The following MPIG6B variants were observed in gnomAD, a reference collection of about 807,000 sequenced individuals.
MPIG6B encodes the protein immunoglobulin receptor.
Under a neutral mutation model 24.2 loss-of-function variants are expected in MPIG6B, and 22 were observed. That is an observed-to-expected ratio of 0.91 (90% CI 0.65 to 1.30). MPIG6B has a LOEUF of 1.30. Among genes scored for constraint, MPIG6B ranks in the 50% most tolerant of loss-of-function variants. The pLI is 0.00. For missense variants in MPIG6B, 301 were observed against 318.5 expected (o/e 0.94, Z 0.42); for synonymous variants, 136 against 142.0 (o/e 0.96, Z 0.30).
chr6:31,725,225 G>C lies in MPIG6B; in HGVS notation c.*151G>C. On this transcript the variant is annotated 3_prime_UTR_variant, in exon 6 of 6. Coordinates refer to ENST00000649779, the MANE Select transcript of MPIG6B (RefSeq NM_138272.3). This position sits in a 1 kb window ranked among gnomAD's most constrained non-coding sequence, Gnocchi z 5.2. ...AGTTGGGAGACCTGGGTTCCAGGCT[G>C]TCTCTGCCACTGGTCTTACTTCTAA... 1 of 618,178 alleles carries C rather than the reference G, an allele frequency of 1.6e-6. No homozygotes were observed. The allele number at this position is 618,178 out of a possible 1,614,324, so 38.3% of individuals were successfully genotyped here. A position where few individuals can be genotyped will look rare whatever the true frequency, so the allele number is the denominator to read the frequency against.
upstream of MPIG6B, chr6:31,720,814 C>A (rs1364372843): frequency 6.6e-6 from 1 of 152,270 alleles, no homozygotes; most frequent in Non-Finnish European, 1.5e-5. The surrounding 1 kb of genome is among the most constrained non-coding windows in gnomAD (Gnocchi z 4.9). Flanking sequence ...CACCAGATTC[C>A]ATCTTAGCAC....
chr6:31,723,820 C>G lies in MPIG6B; in HGVS notation c.243C>G (p.Val81=). The part of the protein sequence containing the change: ...TPTVPPLQPF[V]GRLRSLDSGI... The stretch of plus-strand genomic sequence containing the variant: ...CCGTGCCTCCCCTCCAGCCTTTCGT[C>G]GGCCGCCTACGCTCCCTGGACTCTG... Residue 81 remains valine, a synonymous_variant, in exon 2 of 6, where the codon GTC becomes GTG. Transcript: ENST00000649779. The surrounding 1 kb of genome is among the most constrained non-coding windows in gnomAD (Gnocchi z 4.3). The G allele has an allele frequency of 1.2e-6, 2 of 1,613,620 alleles. No individual in the cohort carries two copies. Among genetic ancestry groups the G allele is most frequent in the South Asian group, 2.2e-5 (2 of 91,020 alleles).
chr6:31,723,804 C>T lies in MPIG6B; in HGVS notation c.227C>T (p.Pro76Leu). The change falls in exon 2 of 6, where the codon CCC becomes CTC. Residue 76 changes from proline (P) to leucine (L), a missense_variant. Coordinates refer to ENST00000649779, the MANE Select transcript of MPIG6B (RefSeq NM_138272.3). The surrounding 1 kb of genome is among the most constrained non-coding windows in gnomAD (Gnocchi z 4.3). ...TCGAGCGGGACCCCCACCGTGCCTC[C>T]CCTCCAGCCTTTCGTCGGCCGCCTA... The part of the protein sequence containing the change: ...ASSSGTPTVP[P>L]LQPFVGRLRS... 6.2e-7 allele frequency: 1 copy of T among 1,613,988 alleles called. No individual in the cohort carries two copies. Among genetic ancestry groups the T allele is most frequent in the South Asian group, 1.1e-5 (1 of 91,062 alleles).
chr6:31,723,442 G>C lies in MPIG6B; in HGVS notation c.59G>C (p.Gly20Ala), dbSNP rs1806983141. 1.2e-6 allele frequency: 2 copies of C among 1,612,556 alleles called. No individual in the cohort carries two copies. Among genetic ancestry groups the C allele is most frequent in the Admixed American group, 1.7e-5 (1 of 59,974 alleles). The change falls in exon 1 of 6, where the codon GGG (glycine) becomes GCG (alanine). Residue 20 changes from glycine to alanine, a missense_variant and splice_region_variant. Physicochemically the swap from Gly to Ala is moderately conservative, Grantham distance 60 (BLOSUM62 0). Transcript: ENST00000649779. The surrounding 1 kb of genome is among the most constrained non-coding windows in gnomAD (Gnocchi z 4.3). ...CTCTCGAGGGCCCAAGGGAACCCTG[G>C]GGGTAAGCGATCCCTGGGAGAGTTG... ...LLLSRAQGNP[G>A]ASLDGRPGDR...
rs1402665749 is a variant in MPIG6B at position 31,724,130 on chromosome 6, C to A, written c.410-12C>A. 1.2e-6 allele frequency: 2 copies of A among 1,610,918 alleles called. No individual in the cohort carries two copies. Among genetic ancestry groups the A allele is most frequent in the East Asian group, 2.2e-5 (1 of 44,864 alleles). ...GACCTCAGCATCCCTCCCCGCCACGCCTTTCCCCCAGGGTCCGTGTATCCC... is the reference window on the plus strand; with the variant it reads ...GACCTCAGCATCCCTCCCCGCCACGACTTTCCCCCAGGGTCCGTGTATCCC... On this transcript the variant is annotated splice_polypyrimidine_tract_variant and intron_variant, in intron 2 of 5. Coordinates refer to ENST00000649779, the MANE Select transcript of MPIG6B (RefSeq NM_138272.3).
chr6:31,723,956 AC>A lies in MPIG6B; in HGVS notation c.381del (p.Tyr128IlefsTer17). On this transcript the variant is annotated frameshift_variant, in exon 2 of 6. Transcript: ENST00000649779. LOFTEE classifies it high-confidence loss of function. This position sits in a 1 kb window ranked among gnomAD's most constrained non-coding sequence, Gnocchi z 4.3. Reference sequence around the variant, plus strand: ...AGTGCTTCACGTGCTGGGGGACAGGACCTATTGCAAGGCCCCCGGGCCTACC... The same window carrying A: ...AGTGCTTCACGTGCTGGGGGACAGGACTATTGCAAGGCCCCCGGGCCTACC... ...RTVLHVLGDR[T>X]YCKAPGPTHG... is the part of the protein sequence containing the mutation. The A allele has an allele frequency of 6.4e-7, 1 of 1,557,290 alleles. No individual in the cohort carries two copies. Among genetic ancestry groups the A allele is most frequent in the Non-Finnish European group, 8.7e-7 (1 of 1,149,758 alleles).
intron 4 of MPIG6B, 32 bp downstream of exon 4, chr6:31,724,659 C>T (rs1379645784): frequency 6.8e-6 from 11 of 1,610,534 alleles, no homozygotes; most frequent in Non-Finnish European, 9.3e-6. Context: ...TTTCTTTCTC[C>T]TACATGCCCA....
At chr6:31,724,057 G>T in intron 2 of MPIG6B, 71 bp downstream of exon 2, 1 of 1,574,510 alleles carries the variant, frequency 6.4e-7, no homozygotes, top group Non-Finnish European at 8.7e-7. Context: ...GAGGGCCTTG[G>T]CTGGGGGTTC....
chr6:31,723,876 CG>C lies in MPIG6B; in HGVS notation c.304del (p.Asp102ThrfsTer43). On this transcript the variant is annotated frameshift_variant, in exon 2 of 6. Transcript: ENST00000649779. LOFTEE classifies it high-confidence loss of function. The surrounding 1 kb of genome is among the most constrained non-coding windows in gnomAD (Gnocchi z 4.3). ...CGGCGGCTGGAGCTCCTCTTGAGCG[CG>C]GGGGACTCGGGCACTTTTTTCTGCA... ...GIRRLELLLS[A>X]GDSGTFFCKG... 1 of 1,609,794 alleles carries C rather than the reference CG, an allele frequency of 6.2e-7. No homozygotes were observed. Among genetic ancestry groups the C allele is most frequent in the Non-Finnish European group, 8.5e-7 (1 of 1,177,874 alleles).
upstream of MPIG6B, among the ~76,000 whole-genome samples, chr6:31,721,475 G>A: frequency 6.6e-6 from 1 of 152,126 alleles, no homozygotes; most frequent in East Asian, 1.9e-4. Context: ...GGCTGTCATA[G>A]GGAAGCCTGG....
Position 31,723,784 on chromosome 6 carries a change from C to A in MPIG6B, c.207C>A (p.Ser69Arg). 1 of 1,613,930 alleles carries A rather than the reference C, an allele frequency of 6.2e-7. No individual in the cohort carries two copies. Among genetic ancestry groups the A allele is most frequent in the Non-Finnish European group, 8.5e-7 (1 of 1,179,986 alleles). ...GRRPILWASS[S>R]GTPTVPPLQP... ...GACCGATCCTGTGGGCCTCTTCGAG[C>A]GGGACCCCCACCGTGCCTCCCCTCC... The change falls in exon 2 of 6, where the codon AGC becomes AGA. Residue 69 changes from serine to arginine, a missense_variant. Ser to Arg is a moderately radical substitution (Grantham distance 110). Transcript: ENST00000649779. The surrounding 1 kb of genome is among the most constrained non-coding windows in gnomAD (Gnocchi z 4.3).
intron 3 of MPIG6B, 146 bp downstream of exon 3, chr6:31,724,378 G>A: frequency 1.3e-6 from 1 of 793,920 alleles, no homozygotes; most frequent in Non-Finnish European, 2.1e-6. Flanking sequence ...GTGGGAGCGA[G>A]GCCGCTGACT....
At chr6:31,721,570 G>A (rs938760238), upstream of MPIG6B, 8 of 1,531,610 alleles carry the variant, frequency 5.2e-6, no homozygotes, top group Non-Finnish European at 7.2e-6. Context: ...AGTGGGTAGA[G>A]CAGGGTGTAA....
upstream of MPIG6B, chr6:31,721,641 G>A: frequency 6.2e-7 from 1 of 1,614,030 alleles, no homozygotes; most frequent in Non-Finnish European, 8.5e-7. Flanking sequence ...AGACCCAGCA[G>A]AGCAGAACAG....
At chr6:31,723,338 C>G, upstream of MPIG6B, 1 of 1,575,830 alleles carries the variant, frequency 6.3e-7, no homozygotes, top group Non-Finnish European at 8.7e-7. The surrounding 1 kb of genome is among the most constrained non-coding windows in gnomAD (Gnocchi z 4.3). Context: ...CCAACCGGCC[C>G]CACGCCGCTG....
rs1807224547 is a variant in MPIG6B at position 31,725,013 on chromosome 6, C to T, written c.665C>T (p.Pro222Leu). 6.2e-7 allele frequency: 1 copy of T among 1,613,730 alleles called. No homozygotes were observed. Among genetic ancestry groups the T allele is most frequent in the African/African-American group, 1.3e-5 (1 of 74,920 alleles). ...ADLDHLALSR[P>L]RRLSTADPAD... ...CTGGACCATCTAGCCCTCAGCAGGC[C>T]CCGCCGGCTGTCCACAGCGGACCCT... Residue 222 changes from proline to leucine, a missense_variant, in exon 6 of 6, where the codon CCC becomes CTC. By Grantham distance (98) the Pro-to-Leu change is moderately conservative. Coordinates refer to ENST00000649779, the MANE Select transcript of MPIG6B (RefSeq NM_138272.3). The surrounding 1 kb of genome is among the most constrained non-coding windows in gnomAD (Gnocchi z 5.2).
rs1409160764 is a variant in MPIG6B, at chr6:31,726,359, G to T, written c.*1285G>T. 6.6e-6 allele frequency: 1 copy of T among 152,280 alleles called. No homozygotes were observed. Among genetic ancestry groups the T allele is most frequent in the African/African-American group, 2.4e-5 (1 of 41,462 alleles). 9.4% of individuals were successfully genotyped at this position (152,280 alleles called of 1,614,324 possible). ...CACATGCACATCTTAGAAAATGCCA[G>T]CCTTAGAGAATTCTCCCTAGCCCCA... On this transcript the variant is annotated 3_prime_UTR_variant, in exon 6 of 6. Coordinates refer to ENST00000649779, the MANE Select transcript of MPIG6B (RefSeq NM_138272.3). The surrounding 1 kb of genome is among the most constrained non-coding windows in gnomAD (Gnocchi z 5.1).
chr6:31,724,764 G>T lies in MPIG6B; in HGVS notation c.542-1G>T. On this transcript the variant is annotated splice_acceptor_variant, in intron 4 of 5. Transcript: ENST00000649779. LOFTEE classifies it high-confidence loss of function. ...CCTTCAGCTCTGTCCCCCCCACATA[G>T]CTCCACTTGTGAAAACCGAGCCCCA... 1 of 1,613,990 alleles carries T rather than the reference G, an allele frequency of 6.2e-7. No individual in the cohort carries two copies. Among genetic ancestry groups the T allele is most frequent in the Non-Finnish European group, 8.5e-7 (1 of 1,179,998 alleles).
At position 31,723,953 on chromosome 6, in the gene MPIG6B, A is replaced by G. The variant is rs779254034; in HGVS notation, c.376A>G (p.Arg126Gly). 1 of 1,560,770 alleles carries G rather than the reference A, an allele frequency of 6.4e-7. No homozygotes were observed. The highest frequency in any genetic ancestry group is 8.7e-7 in the Non-Finnish European group (1 of 1,151,624). Residue 126 changes from arginine to glycine, a missense_variant, in exon 2 of 6, where the codon AGG (arginine) becomes GGG (glycine). Arg to Gly is a moderately radical substitution (Grantham distance 125). Coordinates refer to ENST00000649779, the MANE Select transcript of MPIG6B (RefSeq NM_138272.3). This position sits in a 1 kb window ranked among gnomAD's most constrained non-coding sequence, Gnocchi z 4.3. ...TACAGTGCTTCACGTGCTGGGGGAC[A>G]GGACCTATTGCAAGGCCCCCGGGCC... ...SRTVLHVLGD[R>G]TYCKAPGPTH...
Sources: allele counts gnomAD v4.1 joint callset (sites outside exome capture counted in the v4.1 genomes callset), GRCh38; gene constraint gnomAD v4.1.1; non-coding constraint Gnocchi (gnomAD v3.1); transcripts MANE v1.5; gene names NCBI Gene and HGNC (gene_info 2026-07-23, HGNC 2026-07-21).